RHOBTB1: variants seen among roughly 807,000 people sequenced by gnomAD.
The protein encoded by RHOBTB1 is Rho related BTB domain containing 1.
A neutral mutation model predicts 71.6 loss-of-function variants in RHOBTB1; 40 were observed. That is an observed-to-expected ratio of 0.56 (90% confidence interval 0.43 to 0.73). RHOBTB1 has a LOEUF of 0.73. Among genes scored for constraint, RHOBTB1 ranks in the 30% least tolerant of loss-of-function variants. The probability of loss-of-function intolerance (pLI) is 0.00; values close to 1 mark genes in which losing one functional copy is unlikely to be tolerated. For synonymous variants in RHOBTB1, 319 were observed against 334.9 expected, an observed-to-expected ratio of 0.95 and a Z score of 0.52; for missense variants, 797 against 894.0, an observed-to-expected ratio of 0.89 and a Z score of 1.38.
Position 60,911,005 on chromosome 10 carries a change from G to A in RHOBTB1, c.193-15C>T, listed in dbSNP as rs765858818. 14 of 1,605,648 alleles carry A rather than the reference G, an allele frequency of 8.7e-6. No homozygotes were observed. The South Asian group carries it at 1.4e-4, about 16-fold the overall frequency. On this transcript the variant is annotated splice_polypyrimidine_tract_variant and intron_variant, in intron 3 of 10. Coordinates refer to ENST00000337910, the MANE Select transcript of RHOBTB1 (RefSeq NM_014836.5). ...CGCTCCAAGACCTGCAGGAGAGAGA[G>A]AGAGCATCTGTGCTCGGTGTCAGTC...
chr10:60,971,598 G>A (rs2086161139), intron 2 of RHOBTB1, among the ~76,000 whole-genome samples: 1 of 152,176 alleles, frequency 6.6e-6, no homozygotes, highest in African/African-American at 2.4e-5. Flanking sequence ...AACCCTAGAA[G>A]AAAACCTTGA....
At chr10:60,922,106 G>T (rs1212240275) in intron 2 of RHOBTB1, among the ~76,000 whole-genome samples, 1 of 152,104 alleles carries the variant, frequency 6.6e-6, no homozygotes, top group African/African-American at 2.4e-5. Context: ...ATATATAAGG[G>T]TCTCATAAAG....
chr10:60,911,526 T>C lies in RHOBTB1; in HGVS notation c.17A>G (p.Asp6Gly), dbSNP rs1322867187. 6.2e-7 allele frequency: 1 copy of C among 1,613,986 alleles called. No homozygotes were observed. Among genetic ancestry groups the C allele is most frequent in the African/African-American group, 1.3e-5 (1 of 74,924 alleles). The stretch of plus-strand genomic sequence containing the variant: ...AGTTTCAACGTTGGGTCTTTCGTAG[T>C]CCATGTCAGCGTCCATTTATGAAAC... MDADM[D>G]YERPNVETIK... Residue 6 changes from aspartate (D) to glycine (G), a missense_variant, in exon 3 of 11, where the codon GAC (aspartate) becomes GGC (glycine). Physicochemically the swap from Asp to Gly is moderately conservative, Grantham distance 94. Around this residue, in one of 2 missense-constraint regions of RHOBTB1, gnomAD observed 139 missense variants for 212.5 expected, o/e 0.65. Coordinates refer to ENST00000337910, the MANE Select transcript of RHOBTB1 (RefSeq NM_014836.5).
chr10:60,875,546 C>T (rs774668654), intron 8 of RHOBTB1, among the ~76,000 whole-genome samples: 60 of 152,136 alleles, frequency 3.9e-4, no homozygotes, highest in Non-Finnish European at 7.8e-4. Flanking sequence ...ACTTTAGACA[C>T]GTTCCTGTTT....
At chr10:60,987,919 C>CT (rs71018937) in intron 1 of RHOBTB1, among the ~76,000 whole-genome samples, 1,727 of 53,682 alleles carry the variant, frequency 0.032, 181 homozygotes, top group African/African-American at 0.051. Flanking sequence ...AAATACTCAA[C>CT]TTTTTTTTTT....
chr10:60,987,919 CTTTTTTTTTTTT>C (rs71018937), intron 1 of RHOBTB1, among the ~76,000 whole-genome samples: 1,204 of 53,754 alleles, frequency 0.022, 35 homozygotes, highest in African/African-American at 0.08. Flanking sequence ...AAATACTCAA[CTTTTTTTTTTTT>C]TTTTTTTTTT....
intron 7 of RHOBTB1, among the ~76,000 whole-genome samples, chr10:60,880,177 C>CTG (rs1554829436): frequency 0.02 from 1,973 of 100,406 alleles, 32 homozygotes; most frequent in African/African-American, 0.023. Flanking sequence ...TGAGGGATGA[C>CTG]TGTGTGTGTG....
chr10:60,875,269 C>T (rs921777432), intron 8 of RHOBTB1, among the ~76,000 whole-genome samples: 2 of 152,166 alleles, frequency 1.3e-5, no homozygotes, highest in African/African-American at 4.8e-5. Context: ...TAGTTCATGG[C>T]TCTGAAATAG....
chr10:61,001,685 G>T (rs1239625563), upstream of RHOBTB1, among the ~76,000 whole-genome samples: 1 of 151,988 alleles, frequency 6.6e-6, no homozygotes, highest in Non-Finnish European at 1.5e-5. Context: ...ACGCCTAGGC[G>T]GTCCCGGGAG....
intron 2 of RHOBTB1, among the ~76,000 whole-genome samples, chr10:60,955,276 C>T (rs2085552111): frequency 1.3e-5 from 2 of 151,912 alleles, no homozygotes; most frequent in African/African-American, 2.4e-5. Context: ...CTCCTGATCT[C>T]GTGATCCGCC....
chr10:60,886,728 G>GT (rs58848291), intron 6 of RHOBTB1, among the ~76,000 whole-genome samples: 11 of 86,664 alleles, frequency 1.3e-4, no homozygotes, highest in East Asian at 1.6e-3. Context: ...GGGGGGGGGT[G>GT]GGTCTGGCTA....
chr10:60,987,307 T>C (rs1381116564), intron 1 of RHOBTB1, among the ~76,000 whole-genome samples: 9 of 152,188 alleles, frequency 5.9e-5, no homozygotes, highest in African/African-American at 7.2e-5. Flanking sequence ...TGGCAGCAAT[T>C]TTATTCATAT....
At chr10:60,912,224 T>TAC (rs977480290) in intron 2 of RHOBTB1, among the ~76,000 whole-genome samples, 4 of 151,430 alleles carry the variant, frequency 2.6e-5, no homozygotes, top group African/African-American at 4.9e-5. Context: ...TGTATATATA[T>TAC]ACACACACAC....
intron 4 of RHOBTB1, among the ~76,000 whole-genome samples, chr10:60,897,525 C>A (rs2082216220): frequency 6.6e-6 from 1 of 152,066 alleles, no homozygotes; most frequent in Admixed American, 6.6e-5. Context: ...ATCTTTTTAT[C>A]TAGAAGCTTC....
downstream of RHOBTB1, among the ~76,000 whole-genome samples, chr10:60,865,742 A>T (rs1389820206): frequency 2.0e-5 from 3 of 152,142 alleles, no homozygotes; most frequent in Non-Finnish European, 2.9e-5. Flanking sequence ...GTAGGGAAAG[A>T]TTTTTGTCAT....
intron 7 of RHOBTB1, among the ~76,000 whole-genome samples, chr10:60,884,067 A>T (rs2081453435): frequency 6.6e-6 from 1 of 152,190 alleles, no homozygotes; most frequent in African/African-American, 2.4e-5. Flanking sequence ...GGATAACTCT[A>T]ATATTTTTTC....
chr10:60,897,799 C>T (rs1245481516), intron 4 of RHOBTB1, among the ~76,000 whole-genome samples: 14 of 152,098 alleles, frequency 9.2e-5, no homozygotes, highest in East Asian at 1.9e-4. Flanking sequence ...CTCCACCTCC[C>T]GGGTTCAAGC....
At chr10:60,936,625 C>T (rs1313488227) in intron 2 of RHOBTB1, among the ~76,000 whole-genome samples, 1 of 152,146 alleles carries the variant, frequency 6.6e-6, no homozygotes, top group Non-Finnish European at 1.5e-5. Context: ...TCTTTAGAAC[C>T]TCATGACTCA....
At chr10:60,932,345 C>T (rs957089906) in intron 2 of RHOBTB1, among the ~76,000 whole-genome samples, 1 of 151,504 alleles carries the variant, frequency 6.6e-6, no homozygotes, top group East Asian at 1.9e-4. Flanking sequence ...TTCAAACACA[C>T]TGAGGGTGGA....
Sources: allele counts gnomAD v4.1 joint callset (sites outside exome capture counted in the v4.1 genomes callset), GRCh38; gene constraint gnomAD v4.1.1; regional missense constraint gnomAD v4.1.1; transcripts MANE v1.5; gene names NCBI Gene and HGNC (gene_info 2026-07-23, HGNC 2026-07-21).